Variants in SLC6A11 observed in about 807,000 individuals in gnomAD.
The protein encoded by SLC6A11 is sodium- and chloride-dependent GABA transporter 3.
A neutral mutation model predicts 74.8 loss-of-function variants in SLC6A11; 25 were observed. That is an observed-to-expected ratio of 0.33 (90% CI 0.24 to 0.47). The LOEUF is 0.47. SLC6A11 is among the 20% of genes least tolerant of loss of function. The pLI, the probability that SLC6A11 is intolerant of heterozygous loss-of-function variation, is 1.00. For missense variants in SLC6A11, 574 were observed against 837.0 expected (o/e 0.69, Z 3.88); for synonymous variants, 330 against 330.2 (o/e 1.00, Z 0.01).
chr3:10,873,911 T>C (rs1306792351), intron 5 of SLC6A11, among the ~76,000 whole-genome samples: 2 of 152,106 alleles, frequency 1.3e-5, no homozygotes, highest in Non-Finnish European at 2.9e-5. Context: ...TCCTATGCTA[T>C]GCTATGCTAC....
chr3:10,882,096 A>G (rs1200028815), intron 6 of SLC6A11, among the ~76,000 whole-genome samples: 3 of 152,150 alleles, frequency 2.0e-5, no homozygotes, highest in East Asian at 3.9e-4. Context: ...GGCTGCCTTC[A>G]TGGTGGCCCC....
intron 10 of SLC6A11, among the ~76,000 whole-genome samples, chr3:10,929,625 T>C (rs760176548): frequency 7.9e-5 from 12 of 152,206 alleles, no homozygotes; most frequent in Non-Finnish European, 1.0e-4. Context: ...GGTGAGCACA[T>C]GGACTCCTGG....
intron 5 of SLC6A11, among the ~76,000 whole-genome samples, chr3:10,872,577 C>G (rs1694840212): frequency 6.6e-6 from 1 of 152,204 alleles, no homozygotes; most frequent in Non-Finnish European, 1.5e-5. Flanking sequence ...TCTTTCTTTA[C>G]TACCAACTGG....
chr3:10,860,716 C>T (rs1559562825), intron 5 of SLC6A11, among the ~76,000 whole-genome samples: 1 of 152,132 alleles, frequency 6.6e-6, no homozygotes, highest in African/African-American at 2.4e-5. Context: ...TCCTCCCTGT[C>T]AAAAGGTTTA....
chr3:10,877,627 A>G (rs966158918), intron 6 of SLC6A11, among the ~76,000 whole-genome samples: 6 of 152,212 alleles, frequency 3.9e-5, no homozygotes, highest in Non-Finnish European at 8.8e-5. Flanking sequence ...CAGAAATCAC[A>G]TTGCTATACA....
rs1025287973 is a variant in SLC6A11, at chr3:10,918,019, G to A, written c.996-310G>A. On this transcript the variant is annotated intron_variant, in intron 7 of 13. Transcript: ENST00000254488. The surrounding 1 kb of genome is among the most constrained non-coding windows in gnomAD (Gnocchi z 4.5). ...CCTACCAGGGACTTGGAGGAGCGTCGGTGTGTTTCAGAGTATTTTCTCATT... is the reference window on the plus strand; with the variant it reads ...CCTACCAGGGACTTGGAGGAGCGTCAGTGTGTTTCAGAGTATTTTCTCATT... Among the ~76,000 whole-genome samples, 53 of 152,122 alleles carry A rather than the reference G, an allele frequency of 3.5e-4. No individual in the cohort carries two copies. Among genetic ancestry groups the A allele is most frequent in the Admixed American group, 1.4e-3 (22 of 15,278 alleles).
At chr3:10,932,888 C>T (rs1051160216) in intron 10 of SLC6A11, among the ~76,000 whole-genome samples, 2 of 152,102 alleles carry the variant, frequency 1.3e-5, no homozygotes, top group Non-Finnish European at 2.9e-5. Context: ...TCTATGTAGT[C>T]TCTGGCCCTT....
At chr3:10,868,851 C>A (rs548604982) in intron 5 of SLC6A11, among the ~76,000 whole-genome samples, 67 of 152,264 alleles carry the variant, frequency 4.4e-4, no homozygotes, top group Non-Finnish European at 8.7e-4. Context: ...TGCACCTGAA[C>A]TGTCCTGCCC....
chr3:10,859,848 A>G (rs1353812966), intron 5 of SLC6A11, among the ~76,000 whole-genome samples: 1 of 152,206 alleles, frequency 6.6e-6, no homozygotes, highest in Non-Finnish European at 1.5e-5. Flanking sequence ...CTTCCAATTA[A>G]TCTACTATCC....
chr3:10,842,363 C>A (rs1694449388), intron 4 of SLC6A11, among the ~76,000 whole-genome samples: 1 of 152,166 alleles, frequency 6.6e-6, no homozygotes, highest in Non-Finnish European at 1.5e-5. Context: ...TCCTTGGGAG[C>A]CACTTTGCAA....
chr3:10,860,161 A>G (rs191383932), intron 5 of SLC6A11, among the ~76,000 whole-genome samples: 24 of 152,366 alleles, frequency 1.6e-4, no homozygotes, highest in Middle Eastern at 3.4e-3. Flanking sequence ...GCCTTTCTAC[A>G]GAGACATAGT....
intron 4 of SLC6A11, among the ~76,000 whole-genome samples, chr3:10,840,257 G>C (rs973934158): frequency 6.6e-6 from 1 of 152,232 alleles, no homozygotes; most frequent in East Asian, 1.9e-4. Flanking sequence ...CTTTGGCCTC[G>C]TGGTGTTCTC....
chr3:10,906,963 A>G (rs867250598), intron 6 of SLC6A11, among the ~76,000 whole-genome samples: 8 of 152,206 alleles, frequency 5.3e-5, no homozygotes, highest in Admixed American at 1.3e-4. Flanking sequence ...AGGAAAATCT[A>G]TCTCACCTAA....
At chr3:10,892,879 T>TG (rs1695124201) in intron 6 of SLC6A11, among the ~76,000 whole-genome samples, 1 of 152,108 alleles carries the variant, frequency 6.6e-6, no homozygotes, top group Admixed American at 6.5e-5. Context: ...TGGAAGTGCG[T>TG]GGGGGAAACG....
chr3:10,839,583 G>A (rs1694411293), intron 4 of SLC6A11, among the ~76,000 whole-genome samples: 1 of 152,182 alleles, frequency 6.6e-6, no homozygotes, highest in Non-Finnish European at 1.5e-5. Flanking sequence ...TGAGATGTTG[G>A]GGTTGTGGGG....
chr3:10,900,833 G>A (rs1442343994), intron 6 of SLC6A11, among the ~76,000 whole-genome samples: 1 of 152,142 alleles, frequency 6.6e-6, no homozygotes, highest in Non-Finnish European at 1.5e-5. Flanking sequence ...ATGGGATGTG[G>A]GTTCTGCAGC....
intron 8 of SLC6A11, among the ~76,000 whole-genome samples, chr3:10,922,050 TTAAC>T (rs1346852675): frequency 1.3e-5 from 2 of 152,158 alleles, no homozygotes; most frequent in African/African-American, 4.8e-5. Flanking sequence ...ACACCCCTCT[TTAAC>T]TAATGATAGA....
chr3:10,890,479 G>A (rs1695094795), intron 6 of SLC6A11, among the ~76,000 whole-genome samples: 1 of 152,206 alleles, frequency 6.6e-6, no homozygotes, highest in Non-Finnish European at 1.5e-5. Context: ...GGGAGGAAAG[G>A]GTCTATCCCT....
At chr3:10,829,276 G>A (rs1389397295) in intron 4 of SLC6A11, among the ~76,000 whole-genome samples, 1 of 152,182 alleles carries the variant, frequency 6.6e-6, no homozygotes, top group African/African-American at 2.4e-5. Flanking sequence ...GAACTTTGAT[G>A]GGTCATAAGT....
Sources: gnomAD v4.1 joint callset for allele counts (sites outside exome capture counted in the v4.1 genomes callset) on GRCh38, gnomAD v4.1.1 for gene constraint, Gnocchi (gnomAD v3.1) non-coding constraint, MANE v1.5 for transcripts, NCBI Gene and HGNC (gene_info 2026-07-23, HGNC 2026-07-21) for gene names.